Variants in GABRA5 observed in about 807,000 individuals in gnomAD.
GABRA5 encodes gamma-aminobutyric acid type A receptor subunit alpha5, also known as gamma-aminobutyric acid receptor subunit alpha-5.
A neutral mutation model predicts 47.3 loss-of-function variants in GABRA5; 18 were observed. The ratio of observed to expected loss-of-function variants is 0.38; its 90% confidence interval spans 0.26 to 0.56. The LOEUF is 0.56. GABRA5 is among the 20% of genes least tolerant of loss of function. The pLI, the probability that GABRA5 is intolerant of heterozygous loss-of-function variation, is 0.71. For synonymous variants in GABRA5, 237 were observed against 229.3 expected (o/e 1.03, Z -0.30); for missense variants, 365 against 599.3 (o/e 0.61, Z 4.08).
At position 26,948,130 on chromosome 15, in the gene GABRA5, C is replaced by T. The variant is rs1364077150; in HGVS notation, c.1286C>T (p.Ser429Phe). Residue 429 changes from serine (S) to phenylalanine (F), a missense_variant, in exon 11 of 11, where the codon TCC becomes TTC. Coordinates refer to ENST00000335625, the MANE Select transcript of GABRA5 (RefSeq NM_000810.4). ...YNSISKIDKM[S>F]RIVFPVLFGT... ...AGTATCAGCAAAATTGACAAAATGT[C>T]CCGAATCGTATTCCCAGTCTTGTTC... is the stretch of plus-strand genomic sequence containing the variant. 7 of 1,613,550 alleles carry T rather than the reference C, an allele frequency of 4.3e-6. No individual in the cohort carries two copies. The highest frequency in any genetic ancestry group is 5.9e-6 in the Non-Finnish European group (7 of 1,179,714).
intron 6 of GABRA5, among the ~76,000 whole-genome samples, chr15:26,897,063 A>G (rs910665349): frequency 1.3e-5 from 2 of 151,946 alleles, no homozygotes; most frequent in African/African-American, 4.8e-5. Context: ...AAACACATTT[A>G]CAACACATTT....
intron 7 of GABRA5, among the ~76,000 whole-genome samples, chr15:26,923,662 T>G (rs756690681): frequency 1.3e-5 from 2 of 152,160 alleles, no homozygotes; most frequent in African/African-American, 2.4e-5. Context: ...TGGGAAGTTT[T>G]ATGAATTAAT....
intron 10 of GABRA5, among the ~76,000 whole-genome samples, chr15:26,945,196 G>C (rs1894482159): frequency 6.6e-6 from 1 of 152,148 alleles, no homozygotes; most frequent in African/African-American, 2.4e-5. Context: ...CCTGCTGCCA[G>C]GAAGGCTCTG....
Position 26,873,161 on chromosome 15 carries a change from T to C in GABRA5, c.86+3827T>C, listed in dbSNP as rs1892513370. Among the ~76,000 whole-genome samples, 3 of 152,296 alleles carry C rather than the reference T, an allele frequency of 2.0e-5. No homozygotes were observed. The South Asian group carries it at 6.2e-4, about 32-fold the overall frequency. On this transcript the variant is annotated intron_variant, in intron 3 of 10. Coordinates refer to ENST00000335625, the MANE Select transcript of GABRA5 (RefSeq NM_000810.4). ...AGTAAGACCAGTAAACAAAAGTACA[T>C]AGTATAGAAAAACCAGTACAGAAAC... is the stretch of plus-strand genomic sequence containing the variant.
intron 6 of GABRA5, among the ~76,000 whole-genome samples, chr15:26,893,405 T>TGTGGTGCGTGTGTATGA (rs1349475677): frequency 7.0e-6 from 1 of 142,584 alleles, no homozygotes; most frequent in Non-Finnish European, 1.5e-5. Context: ...GTATGGTGTG[T>TGTGGTGCGTGTGTATGA]TGTGTGTGTT....
At chr15:26,908,535 T>A (rs1893501222) in intron 6 of GABRA5, among the ~76,000 whole-genome samples, 1 of 152,210 alleles carries the variant, frequency 6.6e-6, no homozygotes, top group South Asian at 2.1e-4. Flanking sequence ...GGCACAACTC[T>A]GGTGCATAGA....
intron 7 of GABRA5, among the ~76,000 whole-genome samples, chr15:26,917,895 TC>T (rs1308239091): frequency 6.6e-6 from 1 of 152,116 alleles, no homozygotes; most frequent in African/African-American, 2.4e-5. Context: ...TTCTGTGGCA[TC>T]AGTTGCAATG....
At chr15:26,900,578 A>G (rs540923102) in intron 6 of GABRA5, among the ~76,000 whole-genome samples, 57 of 152,270 alleles carry the variant, frequency 3.7e-4, no homozygotes, top group African/African-American at 1.3e-3. Flanking sequence ...GTTTACAGAC[A>G]AATTAAGAGT....
At chr15:26,899,706 T>G (rs1003203562) in intron 6 of GABRA5, among the ~76,000 whole-genome samples, 8 of 152,208 alleles carry the variant, frequency 5.3e-5, no homozygotes, top group African/African-American at 1.9e-4. Context: ...ACAAATTTTG[T>G]CTTAAAGTTC....
chr15:26,909,932 G>A (rs937317809), intron 6 of GABRA5, among the ~76,000 whole-genome samples: 2 of 152,178 alleles, frequency 1.3e-5, no homozygotes, highest in African/African-American at 4.8e-5. Flanking sequence ...GAATAAGGAA[G>A]GCTTCGATTT....
chr15:26,913,643 A>G (rs758849189), intron 6 of GABRA5, among the ~76,000 whole-genome samples: 9 of 152,178 alleles, frequency 5.9e-5, no homozygotes, highest in Non-Finnish European at 8.8e-5. Context: ...AACGTTTTGT[A>G]TCTTCATCTT....
At chr15:26,912,114 C>T (rs1163970250) in intron 6 of GABRA5, among the ~76,000 whole-genome samples, 1 of 152,142 alleles carries the variant, frequency 6.6e-6, no homozygotes, top group Non-Finnish European at 1.5e-5. Context: ...ACAGCCAAGG[C>T]CACAGGCGAT....
chr15:26,937,041 C>G (rs954249124), intron 7 of GABRA5, 144 bp from the exon 8 acceptor site: 1 of 956,814 alleles, frequency 1.0e-6, no homozygotes, highest in African/African-American at 1.6e-5. Flanking sequence ...CTGGTCCAAC[C>G]ACCCTATGCA....
intron 9 of GABRA5, among the ~76,000 whole-genome samples, chr15:26,940,687 C>T (rs1207668094): frequency 1.3e-5 from 2 of 152,106 alleles, no homozygotes; most frequent in Non-Finnish European, 2.9e-5. Context: ...TAAAATTAAC[C>T]ACCAAATAAC....
intron 7 of GABRA5, among the ~76,000 whole-genome samples, chr15:26,934,777 G>A (rs750818455): frequency 2.2e-4 from 34 of 152,106 alleles, no homozygotes; most frequent in Non-Finnish European, 4.4e-4. Flanking sequence ...TTATTCAGAA[G>A]ACCCATGGTT....
Position 26,883,563 on chromosome 15 carries a change from C to T in GABRA5, c.497+6C>T, listed in dbSNP as rs1892794314. On this transcript the variant is annotated splice_donor_region_variant and intron_variant, in intron 6 of 10. Coordinates refer to ENST00000335625, the MANE Select transcript of GABRA5 (RefSeq NM_000810.4). The surrounding 1 kb of genome is among the most constrained non-coding windows in gnomAD (Gnocchi z 4.8). ...ACCCTGCTCTACACCATGCGGTGAG[C>T]GCCGGGCGGGGGCGGGCGGGGCCGG... 7 of 1,385,702 alleles carry T rather than the reference C, an allele frequency of 5.1e-6. No homozygotes were observed. Among genetic ancestry groups the T allele is most frequent in the Middle Eastern group, 1.8e-4 (1 of 5,560 alleles). The allele number at this position is 1,385,702 out of a possible 1,614,324, so 85.8% of individuals were successfully genotyped here. A position where few individuals can be genotyped will look rare whatever the true frequency, so the allele number is the denominator to read the frequency against.
intron 7 of GABRA5, among the ~76,000 whole-genome samples, chr15:26,922,298 G>T (rs962517534): frequency 2.0e-5 from 3 of 152,018 alleles, no homozygotes; most frequent in Admixed American, 6.6e-5. Context: ...ATATATAATT[G>T]TTTGTCTTCA....
intron 7 of GABRA5, among the ~76,000 whole-genome samples, chr15:26,918,703 CTTCT>C (rs1430633895): frequency 6.6e-6 from 1 of 151,996 alleles, no homozygotes; most frequent in Non-Finnish European, 1.5e-5. Context: ...ACATATTGTT[CTTCT>C]TTATCTCTTG....
intron 7 of GABRA5, among the ~76,000 whole-genome samples, chr15:26,925,497 C>A (rs931955741): frequency 1.3e-5 from 2 of 152,102 alleles, no homozygotes; most frequent in Non-Finnish European, 2.9e-5. Context: ...GTTTCAATTT[C>A]TCTACTAGGA....
Sources: gnomAD v4.1 joint callset for allele counts (sites outside exome capture counted in the v4.1 genomes callset) on GRCh38, gnomAD v4.1.1 for gene constraint, Gnocchi (gnomAD v3.1) non-coding constraint, MANE v1.5 for transcripts, NCBI Gene and HGNC (gene_info 2026-07-23, HGNC 2026-07-21) for gene names.